The following GRIK4 variants were observed in gnomAD, a reference collection of about 807,000 sequenced individuals.
GRIK4 encodes the protein glutamate receptor ionotropic, kainate 4.
GRIK4 carries 40 observed loss-of-function variants against 104.9 expected under a neutral mutation model. The ratio of observed to expected loss-of-function variants is 0.38; its 90% confidence interval spans 0.30 to 0.50. The LOEUF (loss-of-function observed/expected upper bound fraction) is 0.50. Among genes scored for constraint, GRIK4 ranks in the 20% least tolerant of loss-of-function variants. The pLI is 0.93. For synonymous variants in GRIK4, 485 were observed against 524.9 expected (o/e 0.92, Z 1.04); for missense variants, 1,047 against 1,308.1 (o/e 0.80, Z 3.08).
chr11:120,888,130 C>G (rs1454153120), intron 11 of GRIK4, among the ~76,000 whole-genome samples: 3 of 152,176 alleles, frequency 2.0e-5, no homozygotes, highest in Admixed American at 6.5e-5. Flanking sequence ...AGGCCACCTT[C>G]AAGGATATGG....
At chr11:120,517,277 A>G (rs1283186702) in intron 1 of GRIK4, among the ~76,000 whole-genome samples, 2 of 149,342 alleles carry the variant, frequency 1.3e-5, no homozygotes, top group African/African-American at 5.0e-5. Context: ...CACTTGTTAC[A>G]GAGATAAATT....
At chr11:120,657,568 C>T (rs906150381) in intron 2 of GRIK4, among the ~76,000 whole-genome samples, 2 of 152,176 alleles carry the variant, frequency 1.3e-5, no homozygotes, top group Admixed American at 6.5e-5. Flanking sequence ...CAGTCCTTGC[C>T]CTTAAGGAGC....
Position 120,708,781 on chromosome 11 carries a change from T to C in GRIK4, c.82+48381T>C, listed in dbSNP as rs147267419. ...GGCTGCACCAGCTGAAGTCTTTGCT[T>C]TGCGCAGGGCCCTGCTGCTGGGAGG... On this transcript the variant is annotated intron_variant, in intron 3 of 20. Transcript: ENST00000527524. Among the ~76,000 whole-genome samples the C allele has an allele frequency of 1.1e-4, 17 of 152,298 alleles. 3 individuals carry two copies. The highest frequency in any genetic ancestry group is 3.8e-4 in the African/African-American group (16 of 41,568).
chr11:120,617,238 T>C (rs1289094261), intron 1 of GRIK4, among the ~76,000 whole-genome samples: 1 of 152,222 alleles, frequency 6.6e-6, no homozygotes, highest in African/African-American at 2.4e-5. Context: ...TTGCTTTCCA[T>C]TGTTTTCTTA....
intron 3 of GRIK4, among the ~76,000 whole-genome samples, chr11:120,791,271 A>G (rs969516451): frequency 2.0e-5 from 3 of 152,176 alleles, no homozygotes; most frequent in Admixed American, 1.3e-4. Context: ...AGCAATTGGT[A>G]TGGTCAAGCT....
Position 120,986,039 on chromosome 11 carries a change from A to G in GRIK4, c.2650A>G (p.Thr884Ala), listed in dbSNP as rs1225458304. The G allele has an allele frequency of 3.9e-6, 6 of 1,522,852 alleles. No homozygotes were observed. In the Admixed American group the frequency reaches 1.1e-4, roughly 27 times the overall value. 94.3% of individuals were successfully genotyped at this position (1,522,852 alleles called of 1,614,324 possible). ...CCCCGAGGAGCGCCGACCGCGGGGCACGGCGACGCTCAGCAACGGGAAGCT... is the reference window on the plus strand; with the variant it reads ...CCCCGAGGAGCGCCGACCGCGGGGCGCGGCGACGCTCAGCAACGGGAAGCT... ...PIPEERRPRG[T>A]ATLSNGKLCG... The change falls in exon 21 of 21, where the codon ACG (threonine) becomes GCG (alanine). Residue 884 changes from threonine (T) to alanine (A), a missense_variant. By Grantham distance (58) the Thr-to-Ala change is moderately conservative. Around this residue, in one of 3 missense-constraint regions of GRIK4, gnomAD observed 160 missense variants for 140.9 expected, o/e 1.14. Transcript: ENST00000527524.
intron 3 of GRIK4, among the ~76,000 whole-genome samples, chr11:120,802,016 C>T (rs12270392): frequency 0.077 from 11,683 of 152,254 alleles, 1,440 homozygotes; most frequent in African/African-American, 0.26. Context: ...GTTGTCCACA[C>T]TGAATAAGTC....
chr11:120,641,437 G>GC (rs1339443584), intron 1 of GRIK4, among the ~76,000 whole-genome samples: 7 of 151,928 alleles, frequency 4.6e-5, no homozygotes, highest in Non-Finnish European at 1.0e-4. Flanking sequence ...AGCCCACATG[G>GC]CTGAGTATAT....
At position 120,802,424 on chromosome 11, in the gene GRIK4, A is replaced by G. The variant is rs139884604; in HGVS notation, c.83-269A>G. On this transcript the variant is annotated intron_variant, in intron 3 of 20. Transcript: ENST00000527524. ...ATGCCTGGACCCGGGGACTTCGTGC[A>G]GACAGGACCCCTAGTGGCCTGCTCT... 6.2e-3 allele frequency among the ~76,000 whole-genome samples: 951 copies of G among 152,348 alleles called. 9 individuals are homozygous for G. The highest frequency in any genetic ancestry group is 0.01 in the Middle Eastern group (3 of 294).
chr11:120,724,251 C>T (rs181919211), intron 3 of GRIK4, among the ~76,000 whole-genome samples: 9 of 152,258 alleles, frequency 5.9e-5, no homozygotes, highest in East Asian at 1.9e-4. Context: ...TGGGCTCAAG[C>T]GATCCTCCTT....
intron 7 of GRIK4, among the ~76,000 whole-genome samples, chr11:120,834,125 A>G (rs1239059335): frequency 1.3e-5 from 2 of 152,242 alleles, no homozygotes; most frequent in East Asian, 3.8e-4. Flanking sequence ...AAAGGTACGC[A>G]TGCTTTTAAG....
At chr11:120,866,697 G>A (rs1277404581) in intron 9 of GRIK4, among the ~76,000 whole-genome samples, 1 of 152,130 alleles carries the variant, frequency 6.6e-6, no homozygotes, top group African/African-American at 2.4e-5. Flanking sequence ...GGAACCATGC[G>A]AGGAGCATCC....
chr11:120,634,111 T>C (rs1479764021), intron 1 of GRIK4, among the ~76,000 whole-genome samples: 1 of 152,154 alleles, frequency 6.6e-6, no homozygotes, highest in African/African-American at 2.4e-5. Context: ...AGACCTGCCT[T>C]CCAGTGTGTG....
chr11:120,910,861 G>C (rs1268194311), intron 13 of GRIK4, among the ~76,000 whole-genome samples: 1 of 152,212 alleles, frequency 6.6e-6, no homozygotes, highest in East Asian at 1.9e-4. Context: ...AGGACCCTGT[G>C]GGAGGTGATG....
chr11:120,860,296 ATAATC>A (rs1300746207), intron 8 of GRIK4, among the ~76,000 whole-genome samples: 1 of 151,852 alleles, frequency 6.6e-6, no homozygotes, highest in Non-Finnish European at 1.5e-5. Context: ...AGTGAGCTGA[ATAATC>A]TACACCCTCT....
At chr11:120,706,001 C>G (rs11217986) in intron 3 of GRIK4, among the ~76,000 whole-genome samples, 1 of 152,136 alleles carries the variant, frequency 6.6e-6, no homozygotes, top group Non-Finnish European at 1.5e-5. Flanking sequence ...CATTCCACTC[C>G]GGCATATCAC....
chr11:120,900,905 G>T (rs1942718054), intron 12 of GRIK4, among the ~76,000 whole-genome samples: 2 of 152,204 alleles, frequency 1.3e-5, no homozygotes, highest in African/African-American at 4.8e-5. Flanking sequence ...GAACAGCCTG[G>T]CTGAGTCCAC....
intron 1 of GRIK4, among the ~76,000 whole-genome samples, chr11:120,533,651 G>A (rs778574862): frequency 6.6e-6 from 1 of 152,246 alleles, no homozygotes; most frequent in Non-Finnish European, 1.5e-5. Context: ...GCCAAGGTGA[G>A]TGGATCACTT....
intron 4 of GRIK4, among the ~76,000 whole-genome samples, chr11:120,805,742 C>T (rs1952698006): frequency 6.6e-6 from 1 of 152,172 alleles, no homozygotes; most frequent in African/African-American, 2.4e-5. Context: ...CAGTTCTTTC[C>T]CTCCCAAAGT....
Sources: gnomAD v4.1 joint callset for allele counts (sites outside exome capture counted in the v4.1 genomes callset) on GRCh38, gnomAD v4.1.1 for gene constraint, gnomAD v4.1.1 regional missense constraint, MANE v1.5 for transcripts, NCBI Gene and HGNC (gene_info 2026-07-23, HGNC 2026-07-21) for gene names.